The following SMAP1 variants were observed in gnomAD, a reference collection of about 807,000 sequenced individuals.
The protein encoded by SMAP1 is small ArfGAP 1.
A neutral mutation model predicts 58.5 loss-of-function variants in SMAP1; 24 were observed. The observed-to-expected ratio is 0.41, with a 90% confidence interval of 0.30 to 0.58. The LOEUF is 0.58. Ranked by LOEUF, SMAP1 falls within the 20% of genes least tolerant of loss-of-function variation. The pLI, the probability that SMAP1 is intolerant of heterozygous loss-of-function variation, is 0.29. For synonymous variants in SMAP1, 216 were observed against 196.6 expected (o/e 1.10, Z -0.82); for missense variants, 563 against 566.3 (o/e 0.99, Z 0.06).
At chr6:70,674,974 A>G (rs901181153) in intron 1 of SMAP1, among the ~76,000 whole-genome samples, 3 of 152,110 alleles carry the variant, frequency 2.0e-5, no homozygotes, top group Non-Finnish European at 2.9e-5. Flanking sequence ...GTGGGACTCC[A>G]TCTCAAAAAA....
In SMAP1 at chr6:70,837,014, A is replaced by G; in HGVS notation, c.650A>G (p.Asp217Gly). Residue 217 changes from aspartate to glycine, a missense_variant, in exon 7 of 11, where the codon GAT becomes GGT. Around this residue, in one of 3 missense-constraint regions of SMAP1, gnomAD observed 494 missense variants for 473.8 expected, o/e 1.04. Transcript: ENST00000370455. ...SPKKAAEPTV[D>G]LLGLDGPAVA... ...AAAAAAGCTGCGGAGCCCACTGTGG[A>G]TCTTTTAGGACTTGGTAAGTAATAA... 1 of 1,593,900 alleles carries G rather than the reference A, an allele frequency of 6.3e-7. No homozygotes were observed. Among genetic ancestry groups the G allele is most frequent in the Non-Finnish European group, 8.5e-7 (1 of 1,171,128 alleles).
intron 1 of SMAP1, among the ~76,000 whole-genome samples, chr6:70,732,115 T>C (rs1448405098): frequency 3.3e-5 from 5 of 152,188 alleles, no homozygotes; most frequent in African/African-American, 1.2e-4. Context: ...AAGAAGCTGT[T>C]TATATAAATT....
At chr6:70,809,694 C>G (rs540282258) in intron 6 of SMAP1, among the ~76,000 whole-genome samples, 1 of 152,098 alleles carries the variant, frequency 6.6e-6, no homozygotes, top group African/African-American at 2.4e-5. Flanking sequence ...ATAAATAATA[C>G]TTTTATAAAA....
chr6:70,693,541 A>G (rs532830874), intron 1 of SMAP1, among the ~76,000 whole-genome samples: 1 of 151,688 alleles, frequency 6.6e-6, no homozygotes, highest in Non-Finnish European at 1.5e-5. Context: ...TGACCTCATG[A>G]TCCGCCTGCC....
chr6:70,825,324 C>T (rs183765092), intron 6 of SMAP1, among the ~76,000 whole-genome samples: 1 of 152,234 alleles, frequency 6.6e-6, no homozygotes, highest in East Asian at 1.9e-4. Flanking sequence ...TTCACAGTCA[C>T]CCAGCTGGGA....
At chr6:70,796,355 T>C (rs1768607327) in intron 5 of SMAP1, among the ~76,000 whole-genome samples, 1 of 152,234 alleles carries the variant, frequency 6.6e-6, no homozygotes, top group African/African-American at 2.4e-5. Context: ...AGTCCCTCAG[T>C]CCTGCTACTA....
chr6:70,830,401 C>A (rs1039059837), intron 6 of SMAP1, among the ~76,000 whole-genome samples: 1 of 152,132 alleles, frequency 6.6e-6, no homozygotes, highest in South Asian at 2.1e-4. Context: ...AAGATAATAG[C>A]ATTTTTATTC....
chr6:70,735,137 G>GA (rs1159178510), intron 2 of SMAP1, among the ~76,000 whole-genome samples: 3 of 152,206 alleles, frequency 2.0e-5, no homozygotes, highest in South Asian at 2.1e-4. Flanking sequence ...ACCAAAAAAA[G>GA]AAAAAACTTG....
intron 1 of SMAP1, among the ~76,000 whole-genome samples, chr6:70,687,853 A>G (rs1470529111): frequency 6.6e-6 from 1 of 152,244 alleles, no homozygotes; most frequent in Admixed American, 6.5e-5. Flanking sequence ...AATTTTATCA[A>G]AAGTGAAGAT....
chr6:70,777,199 G>A (rs1767581238), intron 4 of SMAP1, among the ~76,000 whole-genome samples: 1 of 152,008 alleles, frequency 6.6e-6, no homozygotes, highest in Non-Finnish European at 1.5e-5. Context: ...ATATCTTATT[G>A]TGGTTTTGAT....
chr6:70,789,474 C>T (rs1768242035), intron 4 of SMAP1, among the ~76,000 whole-genome samples: 1 of 151,688 alleles, frequency 6.6e-6, no homozygotes, highest in Non-Finnish European at 1.5e-5. Flanking sequence ...CGTTATGTTT[C>T]TGATTTGTTA....
chr6:70,860,264 C>G lies in SMAP1; in HGVS notation c.1334C>G (p.Pro445Arg). The G allele has an allele frequency of 3.7e-6, 6 of 1,613,708 alleles. No homozygotes were observed. The highest frequency in any genetic ancestry group is 5.1e-6 in the Non-Finnish European group (6 of 1,179,850). The change falls in exon 11 of 11, where the codon CCC becomes CGC. Residue 445 changes from proline to arginine, a missense_variant. Physicochemically the swap from Pro to Arg is moderately radical, Grantham distance 103 (BLOSUM62 -2). Around this residue, in one of 3 missense-constraint regions of SMAP1, gnomAD observed 494 missense variants for 473.8 expected, o/e 1.04. Coordinates refer to ENST00000370455, the MANE Select transcript of SMAP1 (RefSeq NM_001044305.3). The part of the protein sequence containing the change: ...SATPTAGFGQ[P>R]SSTTAGWSGS... ...ACCCCTACTGCAGGTTTTGGCCAGC[C>G]CTCCAGCACAACAGCAGGATGGTCT...
chr6:70,818,301 G>A lies in SMAP1; in HGVS notation c.577-18640G>A, dbSNP rs1430236868. Among the ~76,000 whole-genome samples the A allele has an allele frequency of 2.0e-5, 3 of 152,012 alleles. No homozygotes were observed. In the East Asian group the frequency reaches 5.8e-4, roughly 29 times the overall value. On this transcript the variant is annotated intron_variant, in intron 6 of 10. Transcript: ENST00000370455. ...GGCACCTGTAATCCCAGCTACTCAG[G>A]AGGCTGAGGCAGGAGAATCACATGA...
intron 6 of SMAP1, among the ~76,000 whole-genome samples, chr6:70,829,928 G>T (rs1770289900): frequency 6.6e-6 from 1 of 152,150 alleles, no homozygotes; most frequent in Non-Finnish European, 1.5e-5. Context: ...GTAAATGTAG[G>T]AGTTGGGACC....
chr6:70,859,333 T>G, intron 10 of SMAP1: 2 of 1,547,722 alleles, frequency 1.3e-6, no homozygotes, highest in Middle Eastern at 1.7e-4. Flanking sequence ...TTCCAGATAA[T>G]GCAGAAGGGT....
chr6:70,803,711 T>C (rs1215999609), intron 6 of SMAP1, among the ~76,000 whole-genome samples: 1 of 152,230 alleles, frequency 6.6e-6, no homozygotes, highest in Non-Finnish European at 1.5e-5. Context: ...TTCTCATTGG[T>C]TTCAAAGAAC....
At chr6:70,675,196 GTGTT>G (rs762076367) in intron 1 of SMAP1, among the ~76,000 whole-genome samples, 11 of 97,144 alleles carry the variant, frequency 1.1e-4, no homozygotes, top group Non-Finnish European at 1.7e-4. Flanking sequence ...AAATTATATA[GTGTT>G]TTTTTTTTTT....
At chr6:70,768,341 G>T (rs1416497885) in intron 3 of SMAP1, among the ~76,000 whole-genome samples, 1 of 152,138 alleles carries the variant, frequency 6.6e-6, no homozygotes, top group African/African-American at 2.4e-5. Flanking sequence ...GTTCCTCCTT[G>T]TACCTCTGGT....
intron 7 of SMAP1, among the ~76,000 whole-genome samples, chr6:70,842,626 G>A (rs767603020): frequency 1.3e-5 from 2 of 152,160 alleles, no homozygotes; most frequent in East Asian, 1.9e-4. Context: ...TTCAAACTAC[G>A]AGTAACAGGA....
Sources: allele counts gnomAD v4.1 joint callset (sites outside exome capture counted in the v4.1 genomes callset), GRCh38; gene constraint gnomAD v4.1.1; regional missense constraint gnomAD v4.1.1; transcripts MANE v1.5; gene names NCBI Gene and HGNC (gene_info 2026-07-23, HGNC 2026-07-21).